PALM2AKAP2: variants seen among roughly 807,000 people sequenced by gnomAD.
PALM2AKAP2 encodes the protein PALM2 and AKAP2 fusion.
In PALM2AKAP2, 37 loss-of-function variants were observed where a neutral mutation model predicts 71.5. The observed-to-expected ratio is 0.52, with a 90% CI of 0.40 to 0.68. The LOEUF (loss-of-function observed/expected upper bound fraction) is 0.68, where lower values mean the gene tolerates loss of function less well. Ranked by LOEUF, PALM2AKAP2 falls within the 30% of genes least tolerant of loss-of-function variation. The pLI is 0.00. For synonymous variants in PALM2AKAP2, 468 were observed against 478.8 expected (o/e 0.98, Z 0.29); for missense variants, 1,224 against 1,191.8 (o/e 1.03, Z -0.40).
intron 6 of PALM2AKAP2, among the ~76,000 whole-genome samples, chr9:109,980,594 C>A (rs913228818): frequency 2.6e-5 from 4 of 152,136 alleles, no homozygotes; most frequent in African/African-American, 9.7e-5. Flanking sequence ...TCAAATGAAT[C>A]CTATGACGAC....
chr9:109,921,790 G>T (rs896882192), intron 3 of PALM2AKAP2, among the ~76,000 whole-genome samples: 10 of 152,208 alleles, frequency 6.6e-5, no homozygotes, highest in Non-Finnish European at 2.9e-5. Context: ...TAGGTACTGG[G>T]AGGCTAGATA....
intron 6 of PALM2AKAP2, among the ~76,000 whole-genome samples, chr9:110,000,320 T>C (rs1169711338): frequency 6.6e-6 from 1 of 152,184 alleles, no homozygotes; most frequent in East Asian, 1.9e-4. Context: ...GCTTCATCCA[T>C]GTCCATAAAA....
chr9:109,781,453 T>C (rs115829888), intron 1 of PALM2AKAP2, among the ~76,000 whole-genome samples: 1 of 152,272 alleles, frequency 6.6e-6, no homozygotes, highest in Admixed American at 6.5e-5. Flanking sequence ...CCAGACATTC[T>C]TCCACCTAAA....
At chr9:109,909,781 G>C (rs1034701591) in intron 3 of PALM2AKAP2, among the ~76,000 whole-genome samples, 4 of 152,222 alleles carry the variant, frequency 2.6e-5, no homozygotes, top group Non-Finnish European at 5.9e-5. Context: ...CCCATGGGAA[G>C]GGGAAGAGAG....
intron 1 of PALM2AKAP2, among the ~76,000 whole-genome samples, chr9:109,800,459 A>G (rs553016736): frequency 6.6e-6 from 1 of 152,338 alleles, no homozygotes. Flanking sequence ...ATTCAAACTC[A>G]GATCTGTCTG....
chr9:109,997,367 A>G (rs754213530), intron 6 of PALM2AKAP2, among the ~76,000 whole-genome samples: 7 of 152,204 alleles, frequency 4.6e-5, no homozygotes, highest in Non-Finnish European at 8.8e-5. Context: ...TAATACACAT[A>G]AAGGCTATAT....
rs528731749 is a variant in PALM2AKAP2 at position 109,668,171 on chromosome 9, C to T, written c.5+27305C>T. ...CGGGATGGTCTCGATCTCCTGACCT[C>T]GTGATCCGCCCGCCTCGGCCTCCCA... On this transcript the variant is annotated intron_variant, in intron 1 of 6. Transcript: ENST00000374531. 4.7e-4 allele frequency among the ~76,000 whole-genome samples: 10 copies of T among 21,084 alleles called. 3 individuals are homozygous for T. Among genetic ancestry groups the T allele is most frequent in the African/African-American group, 7.2e-4 (1 of 1,398 alleles). The allele number at this position is 21,084 out of a possible 152,430, so 13.8% of individuals were successfully genotyped here.
Position 109,652,159 on chromosome 9 carries a change from A to G in PALM2AKAP2, c.5+11293A>G, listed in dbSNP as rs537332091. 2.0e-5 allele frequency among the ~76,000 whole-genome samples: 3 copies of G among 152,344 alleles called. No individual in the cohort carries two copies. In the East Asian group the frequency reaches 5.8e-4, roughly 29 times the overall value. On this transcript the variant is annotated intron_variant, in intron 1 of 6. Transcript: ENST00000374531. ...AATAAATGGGTTATAAATTAAATAT[A>G]TCACAATCCACTGACTTTTATATAG...
chr9:110,120,505 C>A (rs72754991), intron 1 of PALM2AKAP2, among the ~76,000 whole-genome samples: 23,449 of 152,216 alleles, frequency 0.15, 2,187 homozygotes, highest in Non-Finnish European at 0.2. Flanking sequence ...TCTCTGAAAG[C>A]CTGCCCTTTG....
At chr9:109,749,141 G>T (rs1190454261) in intron 1 of PALM2AKAP2, among the ~76,000 whole-genome samples, 2 of 152,134 alleles carry the variant, frequency 1.3e-5, no homozygotes, top group Non-Finnish European at 2.9e-5. Flanking sequence ...AACATGAGGC[G>T]ATAGAAGCGG....
chr9:109,851,206 CAACAAAA>C (rs1482135909), intron 1 of PALM2AKAP2, among the ~76,000 whole-genome samples: 8 of 53,100 alleles, frequency 1.5e-4, no homozygotes, highest in African/African-American at 4.8e-4. Flanking sequence ...ACAACAACAA[CAACAAAA>C]AAAAAAAAAC....
At chr9:110,084,922 A>G (rs904219322) in intron 1 of PALM2AKAP2, among the ~76,000 whole-genome samples, 2 of 150,660 alleles carry the variant, frequency 1.3e-5, no homozygotes, top group African/African-American at 4.9e-5. Context: ...TTGTATTTTT[A>G]GTAGAGATGG....
chr9:109,868,255 G>A (rs1369936975), intron 2 of PALM2AKAP2, among the ~76,000 whole-genome samples: 5 of 152,166 alleles, frequency 3.3e-5, no homozygotes, highest in African/African-American at 1.2e-4. Flanking sequence ...CTTAAGCATC[G>A]TAATTGATTA....
In PALM2AKAP2 at chr9:110,088,707, T is replaced by TG. The variant is rs1564297907; in HGVS notation, c.156+39852_156+39853insG. The stretch of plus-strand genomic sequence containing the variant: ...TATTAAAGTTTGCATTTACGTGTTT[T>TG]TTTTTTTTTTTTTTTTTTTTTTTTT... On this transcript the variant is annotated intron_variant, in intron 1 of 3. Transcript: ENST00000374525. Among the ~76,000 whole-genome samples, 150 of 59,994 alleles carry TG rather than the reference T, an allele frequency of 2.5e-3. 1 individual carries two copies. The highest frequency in any genetic ancestry group is 3.7e-3 in the Non-Finnish European group (117 of 31,270). 39.4% of individuals were successfully genotyped at this position (59,994 alleles called of 152,430 possible). A position where few individuals can be genotyped will look rare whatever the true frequency, so the allele number is the denominator to read the frequency against.
intron 1 of PALM2AKAP2, among the ~76,000 whole-genome samples, chr9:109,840,624 A>G (rs1587949627): frequency 6.6e-6 from 1 of 152,242 alleles, no homozygotes; most frequent in Admixed American, 6.5e-5. Flanking sequence ...CTCATCTGAC[A>G]AAGGGCTAAT....
chr9:109,742,352 A>G (rs973836876), intron 1 of PALM2AKAP2, among the ~76,000 whole-genome samples: 2 of 152,102 alleles, frequency 1.3e-5, no homozygotes, highest in African/African-American at 4.8e-5. Flanking sequence ...AAAAGAAGTG[A>G]GGCAGCATTT....
chr9:110,021,459 G>A (rs1833073014), intron 7 of PALM2AKAP2, among the ~76,000 whole-genome samples: 1 of 152,184 alleles, frequency 6.6e-6, no homozygotes, highest in South Asian at 2.1e-4. Flanking sequence ...GCAACCCTGG[G>A]AAATGAATGC....
intron 2 of PALM2AKAP2, among the ~76,000 whole-genome samples, chr9:110,153,545 T>A (rs1836375310): frequency 6.6e-6 from 1 of 152,248 alleles, no homozygotes; most frequent in South Asian, 2.1e-4. Context: ...CCTCTGATTC[T>A]CTATGGGAGA....
At chr9:109,813,910 A>G (rs1459455661) in intron 1 of PALM2AKAP2, among the ~76,000 whole-genome samples, 1 of 152,132 alleles carries the variant, frequency 6.6e-6, no homozygotes, top group African/African-American at 2.4e-5. Flanking sequence ...CGTGGTGACC[A>G]CAGGATGGTT....
Sources: gnomAD v4.1 joint callset for allele counts (sites outside exome capture counted in the v4.1 genomes callset) on GRCh38, gnomAD v4.1.1 for gene constraint, MANE v1.5 for transcripts, NCBI Gene and HGNC (gene_info 2026-07-23, HGNC 2026-07-21) for gene names.